GPC5: variants seen among roughly 807,000 people sequenced by gnomAD.
GPC5 encodes glypican-5.
A neutral mutation model predicts 53.9 loss-of-function variants in GPC5; 47 were observed. That is an observed-to-expected ratio of 0.87 (90% CI 0.69 to 1.11). GPC5 has a LOEUF of 1.11. Among genes scored for constraint, GPC5 ranks in the 50% most tolerant of loss-of-function variants. The probability of loss-of-function intolerance (pLI) is 0.00; values close to 1 mark genes in which losing one functional copy is unlikely to be tolerated. For synonymous variants in GPC5, 286 were observed against 263.3 expected (o/e 1.09, Z -0.84); for missense variants, 748 against 713.1 (o/e 1.05, Z -0.56).
intron 7 of GPC5, among the ~76,000 whole-genome samples, chr13:92,821,209 T>C (rs1877661131): frequency 1.3e-5 from 2 of 152,184 alleles, no homozygotes; most frequent in African/African-American, 4.8e-5. Context: ...ATTTGTTAAA[T>C]GAATGAATGA....
intron 7 of GPC5, among the ~76,000 whole-genome samples, chr13:92,226,683 C>T (rs1275983405): frequency 6.6e-6 from 1 of 150,994 alleles, no homozygotes; most frequent in African/African-American, 2.4e-5. Flanking sequence ...ACTGCCACCT[C>T]TGCCTCCTGG....
chr13:92,011,247 T>C (rs2040658761), intron 6 of GPC5, among the ~76,000 whole-genome samples: 1 of 152,218 alleles, frequency 6.6e-6, no homozygotes, highest in Non-Finnish European at 1.5e-5. Context: ...CTTTCCATCC[T>C]CTATTTAATA....
intron 7 of GPC5, among the ~76,000 whole-genome samples, chr13:92,151,126 T>C (rs994425032): frequency 6.6e-6 from 1 of 152,120 alleles, no homozygotes; most frequent in Non-Finnish European, 1.5e-5. Flanking sequence ...CTTTAATGAC[T>C]TCAGTCCCTC....
intron 2 of GPC5, among the ~76,000 whole-genome samples, chr13:91,624,523 GAT>G (rs2033948702): frequency 1.3e-5 from 2 of 151,954 alleles, no homozygotes; most frequent in Non-Finnish European, 2.9e-5. Flanking sequence ...AGACATAGAA[GAT>G]TCAGATTATA....
chr13:92,428,575 C>A (rs963337797), intron 7 of GPC5, among the ~76,000 whole-genome samples: 1 of 152,026 alleles, frequency 6.6e-6, no homozygotes, highest in African/African-American at 2.4e-5. Context: ...CTCAGAGAAA[C>A]TGAGTTTGAA....
intron 2 of GPC5, among the ~76,000 whole-genome samples, chr13:91,639,125 C>A (rs773210084): frequency 2.6e-5 from 4 of 152,098 alleles, no homozygotes; most frequent in Admixed American, 2.6e-4. Flanking sequence ...TTTCTTCTGT[C>A]CCTCTGTCTT....
intron 5 of GPC5, among the ~76,000 whole-genome samples, chr13:91,850,862 T>C (rs1566303191): frequency 6.6e-6 from 1 of 152,188 alleles, no homozygotes; most frequent in African/African-American, 2.4e-5. Context: ...TATTTTTGTT[T>C]GGGGCTCTAT....
intron 7 of GPC5, among the ~76,000 whole-genome samples, chr13:92,495,172 T>C (rs187172588): frequency 6.6e-6 from 1 of 152,354 alleles, no homozygotes; most frequent in Non-Finnish European, 1.5e-5. Flanking sequence ...GCCAATGTCA[T>C]TATGGACATA....
rs78471926 is a variant in GPC5 at position 92,442,375 on chromosome 13, T to C, written c.1561+297386T>C. 9.3e-3 allele frequency among the ~76,000 whole-genome samples: 1,422 copies of C among 152,226 alleles called. 14 individuals carry two copies. The highest frequency in any genetic ancestry group is 0.031 in the Middle Eastern group (9 of 294). On this transcript the variant is annotated intron_variant, in intron 7 of 7. Coordinates refer to ENST00000377067, the MANE Select transcript of GPC5 (RefSeq NM_004466.6). ...GATACAAAAATATAATGTAGACTCA[T>C]TACACAGACACTTATTTAAAACTTT...
intron 7 of GPC5, among the ~76,000 whole-genome samples, chr13:92,313,251 T>A (rs2043157380): frequency 1.3e-5 from 2 of 152,050 alleles, no homozygotes; most frequent in Admixed American, 6.6e-5. Context: ...CCAGCAGAGG[T>A]GACTGAAGTA....
chr13:92,004,463 TA>T (rs1566389182), intron 6 of GPC5, among the ~76,000 whole-genome samples: 33 of 34,356 alleles, frequency 9.6e-4, no homozygotes, highest in African/African-American at 1.9e-3. Context: ...AAAAATTATA[TA>T]TATATATATA....
intron 7 of GPC5, among the ~76,000 whole-genome samples, chr13:92,479,773 T>G (rs1345788083): frequency 6.6e-6 from 1 of 152,206 alleles, no homozygotes; most frequent in African/African-American, 2.4e-5. Context: ...TGACATCTGA[T>G]AGGAATTGAG....
At chr13:92,179,108 C>G (rs1186282012) in intron 7 of GPC5, among the ~76,000 whole-genome samples, 2 of 152,236 alleles carry the variant, frequency 1.3e-5, no homozygotes, top group East Asian at 3.9e-4. Context: ...GCATCTTTTT[C>G]TCCTTGCACA....
chr13:92,385,232 A>G (rs2043782345), intron 7 of GPC5, among the ~76,000 whole-genome samples: 1 of 150,514 alleles, frequency 6.6e-6, no homozygotes, highest in Admixed American at 6.7e-5. Flanking sequence ...TATTATGACA[A>G]TAGTAGTAAG....
chr13:92,471,996 A>C (rs1352190894), intron 7 of GPC5, among the ~76,000 whole-genome samples: 1 of 152,146 alleles, frequency 6.6e-6, no homozygotes, highest in Non-Finnish European at 1.5e-5. Context: ...CTTAGATTCC[A>C]GGTAATTTGG....
intron 7 of GPC5, among the ~76,000 whole-genome samples, chr13:92,164,490 A>G (rs1370194144): frequency 6.6e-6 from 1 of 152,208 alleles, no homozygotes; most frequent in South Asian, 2.1e-4. Context: ...CATCTCTCAC[A>G]TCCAGGTCAC....
At chr13:92,527,297 A>G (rs189002155) in intron 7 of GPC5, among the ~76,000 whole-genome samples, 12 of 151,954 alleles carry the variant, frequency 7.9e-5, no homozygotes, top group African/African-American at 2.4e-4. Flanking sequence ...TCAACAGGCA[A>G]AGAGAGCCCA....
At chr13:91,674,416 C>T (rs2035322347) in intron 2 of GPC5, among the ~76,000 whole-genome samples, 1 of 150,852 alleles carries the variant, frequency 6.6e-6, no homozygotes, top group South Asian at 2.1e-4. Context: ...TATATATACA[C>T]ACACACATAT....
At chr13:91,448,280 C>T (rs899697051) in intron 1 of GPC5, among the ~76,000 whole-genome samples, 1 of 152,192 alleles carries the variant, frequency 6.6e-6, no homozygotes, top group African/African-American at 2.4e-5. Context: ...ACTTCACAAG[C>T]AGCACGAGCC....
Sources: gnomAD v4.1 joint callset for allele counts (sites outside exome capture counted in the v4.1 genomes callset) on GRCh38, gnomAD v4.1.1 for gene constraint, MANE v1.5 for transcripts, NCBI Gene and HGNC (gene_info 2026-07-23, HGNC 2026-07-21) for gene names.